GRM8: variants seen among roughly 807,000 people sequenced by gnomAD.
GRM8 encodes the protein metabotropic glutamate receptor 8.
Under a neutral mutation model 87.2 loss-of-function variants are expected in GRM8, and 47 were observed. The observed-to-expected ratio is 0.54, with a 90% CI of 0.43 to 0.69. The LOEUF is 0.69. GRM8 is among the 30% of genes least tolerant of loss of function. The pLI is 0.00. For synonymous variants in GRM8, 396 were observed against 404.5 expected (o/e 0.98, Z 0.25); for missense variants, 1,019 against 1,139.2 (o/e 0.89, Z 1.52).
At chr7:127,106,006 C>T (rs1213488946) in intron 3 of GRM8, among the ~76,000 whole-genome samples, 1 of 152,032 alleles carries the variant, frequency 6.6e-6, no homozygotes, top group Non-Finnish European at 1.5e-5. Flanking sequence ...AATAAAAACG[C>T]AAAAAGTCAA....
chr7:127,187,891 C>T (rs1295294715), intron 2 of GRM8, among the ~76,000 whole-genome samples: 1 of 152,184 alleles, frequency 6.6e-6, no homozygotes, highest in Non-Finnish European at 1.5e-5. Flanking sequence ...TACAATGGGG[C>T]TGAAAGAATC....
At chr7:127,012,423 T>G (rs148105453) in intron 3 of GRM8, among the ~76,000 whole-genome samples, 1 of 152,174 alleles carries the variant, frequency 6.6e-6, no homozygotes, top group Non-Finnish European at 1.5e-5. Flanking sequence ...GTATCTTATG[T>G]GACAGCTTTA....
chr7:126,651,420 G>A (rs1024237802), intron 7 of GRM8, among the ~76,000 whole-genome samples: 6 of 152,226 alleles, frequency 3.9e-5, no homozygotes, highest in African/African-American at 1.2e-4. Context: ...GCTCTGAATC[G>A]GCGTCCTATA....
intron 8 of GRM8, among the ~76,000 whole-genome samples, chr7:126,596,587 G>C (rs1205977105): frequency 1.3e-5 from 2 of 152,146 alleles, no homozygotes; most frequent in Non-Finnish European, 2.9e-5. Flanking sequence ...AGGCATATGG[G>C]AGAGAAATCA....
chr7:126,642,376 C>T lies in GRM8; in HGVS notation c.1358-32878G>A, dbSNP rs190694450. On this transcript the variant is annotated intron_variant, in intron 7 of 10. Transcript: ENST00000339582. ...ACTGTAGGCCAGGGGCGGTGGTTCACGCCTGTAATCCCAGCACTTTGGGAG... is the reference window on the plus strand; with the variant it reads ...ACTGTAGGCCAGGGGCGGTGGTTCATGCCTGTAATCCCAGCACTTTGGGAG... 6.6e-4 allele frequency among the ~76,000 whole-genome samples: 101 copies of T among 152,218 alleles called. 1 individual carries two copies. Among genetic ancestry groups the T allele is most frequent in the African/African-American group, 2.3e-3 (94 of 41,524 alleles).
chr7:127,209,065 A>T (rs530806226), intron 2 of GRM8, among the ~76,000 whole-genome samples: 137 of 152,312 alleles, frequency 9.0e-4, no homozygotes, highest in African/African-American at 3.1e-3. Flanking sequence ...GGCTGCAAGA[A>T]CCAAGGGCCA....
chr7:126,921,042 T>C (rs1372251334), intron 3 of GRM8, among the ~76,000 whole-genome samples: 1 of 152,120 alleles, frequency 6.6e-6, no homozygotes, highest in Non-Finnish European at 1.5e-5. Flanking sequence ...TCACTCTTAA[T>C]ATCACAGCAG....
chr7:126,745,990 T>A (rs997213055), intron 7 of GRM8, among the ~76,000 whole-genome samples: 5 of 151,820 alleles, frequency 3.3e-5, no homozygotes, highest in Non-Finnish European at 7.4e-5. Flanking sequence ...TTGATTTGGA[T>A]ATATTTATTT....
chr7:126,504,859 G>A (rs11980631), intron 9 of GRM8, among the ~76,000 whole-genome samples: 454 of 152,054 alleles, frequency 3.0e-3, no homozygotes, highest in Non-Finnish European at 4.5e-3. Context: ...CAGTGCTCTG[G>A]AAAAGAGCTT....
At chr7:126,963,680 G>A (rs773217031) in intron 3 of GRM8, among the ~76,000 whole-genome samples, 31 of 152,260 alleles carry the variant, frequency 2.0e-4, no homozygotes, top group Non-Finnish European at 4.1e-4. Flanking sequence ...ACAAATAAAT[G>A]GAAAGACATT....
intron 3 of GRM8, chr7:127,090,967 T>C (rs770550772): frequency 8.5e-5 from 13 of 152,374 alleles, no homozygotes; most frequent in Non-Finnish European, 1.5e-4. Flanking sequence ...TTCTAGACAG[T>C]GCAGCTACAG....
In GRM8 at chr7:127,119,091, A is replaced by C. The variant is rs192748615; in HGVS notation, c.511-12379T>G. Among the ~76,000 whole-genome samples the C allele has an allele frequency of 2.2e-3, 335 of 152,304 alleles. 3 individuals are homozygous for C. The highest frequency in any genetic ancestry group is 6.8e-3 in the African/African-American group (283 of 41,576). On this transcript the variant is annotated intron_variant, in intron 2 of 10. Coordinates refer to ENST00000339582, the MANE Select transcript of GRM8 (RefSeq NM_000845.3). ...GTTTGGGGCAGGTTGGACAGCAATCACATAGGTCAACAGGGGAAGGTAAGT... is the reference window on the plus strand; with the variant it reads ...GTTTGGGGCAGGTTGGACAGCAATCCCATAGGTCAACAGGGGAAGGTAAGT...
In GRM8 at chr7:126,888,791, T is replaced by G. The variant is rs558575800; in HGVS notation, c.1156+13751A>C. On this transcript the variant is annotated intron_variant, in intron 6 of 10. Coordinates refer to ENST00000339582, the MANE Select transcript of GRM8 (RefSeq NM_000845.3). ...ACAGAAGGGCTAGGGAAAGCTTTGT[T>G]GTGCATGAACCATGAACAAAAGGAT... 4.6e-5 allele frequency among the ~76,000 whole-genome samples: 7 copies of G among 152,250 alleles called. No homozygotes were observed. The South Asian group carries it at 1.0e-3, about 23-fold the overall frequency.
chr7:126,674,227 C>T (rs947696949), intron 7 of GRM8, among the ~76,000 whole-genome samples: 2 of 152,202 alleles, frequency 1.3e-5, no homozygotes, highest in African/African-American at 4.8e-5. Flanking sequence ...ACTAAGTAGA[C>T]TTACAGATGT....
At chr7:127,105,002 A>G (rs1825678727) in intron 3 of GRM8, among the ~76,000 whole-genome samples, 1 of 152,174 alleles carries the variant, frequency 6.6e-6, no homozygotes, top group Non-Finnish European at 1.5e-5. Context: ...AATGTCCAGG[A>G]TCACTGTGGA....
chr7:126,737,324 C>T (rs1258836375), intron 7 of GRM8, among the ~76,000 whole-genome samples: 2 of 152,094 alleles, frequency 1.3e-5, no homozygotes, highest in East Asian at 3.9e-4. Context: ...TGCAAGAAGA[C>T]AGCTTCGACT....
chr7:126,535,860 G>A (rs965422548), intron 8 of GRM8, among the ~76,000 whole-genome samples: 10 of 152,110 alleles, frequency 6.6e-5, no homozygotes, highest in African/African-American at 2.2e-4. Flanking sequence ...CTTCCCATGC[G>A]TGTGAAGGAG....
intron 2 of GRM8, among the ~76,000 whole-genome samples, chr7:127,129,527 T>C (rs1445403457): frequency 6.6e-6 from 1 of 152,144 alleles, no homozygotes; most frequent in Non-Finnish European, 1.5e-5. Flanking sequence ...TGTGCAAAAC[T>C]GCTAAAAATT....
intron 8 of GRM8, among the ~76,000 whole-genome samples, chr7:126,535,790 T>C (rs905878565): frequency 6.6e-6 from 1 of 152,082 alleles, no homozygotes; most frequent in Non-Finnish European, 1.5e-5. Context: ...TACCTCATCA[T>C]GAAAACTCTC....
Sources: gnomAD v4.1 joint callset for allele counts (sites outside exome capture counted in the v4.1 genomes callset) on GRCh38, gnomAD v4.1.1 for gene constraint, MANE v1.5 for transcripts, NCBI Gene and HGNC (gene_info 2026-07-23, HGNC 2026-07-21) for gene names.